Variants in ZCRB1 observed in about 807,000 individuals in gnomAD.
ZCRB1 encodes zinc finger CCHC-type and RNA-binding motif-containing protein 1.
In ZCRB1, 21 loss-of-function variants were observed where a neutral mutation model predicts 29.9. That is an observed-to-expected ratio of 0.70 (90% CI 0.50 to 1.01). ZCRB1 has a LOEUF of 1.01. Among genes scored for constraint, ZCRB1 ranks in the 50% least tolerant of loss-of-function variants. The pLI, the probability that ZCRB1 is intolerant of heterozygous loss-of-function variation, is 0.00. For synonymous variants in ZCRB1, 77 were observed against 80.0 expected (o/e 0.96, Z 0.20); for missense variants, 204 against 253.3 (o/e 0.81, Z 1.32).
intron 5 of ZCRB1, among the ~76,000 whole-genome samples, chr12:42,317,016 G>C (rs1178300337): frequency 1.3e-5 from 2 of 152,058 alleles, no homozygotes; most frequent in African/African-American, 4.8e-5. Context: ...AGATTGGCCT[G>C]GGCAACATAG....
At chr12:42,314,905 T>C (rs958321395) in intron 5 of ZCRB1, among the ~76,000 whole-genome samples, 2 of 152,190 alleles carry the variant, frequency 1.3e-5, no homozygotes, top group Admixed American at 6.5e-5. Context: ...TGAGCTGAGA[T>C]TGTGCCACCG....
rs767738685 is a variant in ZCRB1, at chr12:42,316,616, T to G, written c.333+724A>C. ...AGTTACAAAACACTAGCAATACTAA[T>G]AGGAAAAAATAAAAAACTTCAAAAC... On this transcript the variant is annotated intron_variant, in intron 5 of 7. Coordinates refer to ENST00000266529, the MANE Select transcript of ZCRB1 (RefSeq NM_033114.4). 2.6e-5 allele frequency among the ~76,000 whole-genome samples: 4 copies of G among 152,002 alleles called. No homozygotes were observed. In the South Asian group the frequency reaches 8.3e-4, roughly 31 times the overall value.
chr12:42,324,276 G>A (rs1276032985), intron 1 of ZCRB1, among the ~76,000 whole-genome samples, 172 bp from the exon 2 acceptor site: 1 of 152,050 alleles, frequency 6.6e-6, no homozygotes, highest in Non-Finnish European at 1.5e-5. Flanking sequence ...AGCCTCCCGA[G>A]TAGCTGGGAT....
chr12:42,319,371 C>G (rs1455587990), intron 3 of ZCRB1, among the ~76,000 whole-genome samples: 1 of 152,126 alleles, frequency 6.6e-6, no homozygotes. Flanking sequence ...GTTCAAAAAT[C>G]TTTGGTTCTG....
At position 42,312,929 on chromosome 12, in the gene ZCRB1, T is replaced by C; in HGVS notation, c.*138A>G. The C allele has an allele frequency of 2.1e-6, 2 of 966,090 alleles. No individual in the cohort carries two copies. Among genetic ancestry groups the C allele is most frequent in the Non-Finnish European group, 2.7e-6 (2 of 737,392 alleles). The allele number at this position is 966,090 out of a possible 1,614,324, so 59.8% of individuals were successfully genotyped here. On this transcript the variant is annotated 3_prime_UTR_variant, in exon 8 of 8. Transcript: ENST00000266529. ...TTATAATGAACTTTTCAAATAAATT[T>C]TTAAAATATCTTTTTTCTTGGGATG...
intron 3 of ZCRB1, among the ~76,000 whole-genome samples, chr12:42,320,727 G>GGTGT (rs1463235438): frequency 3.3e-5 from 5 of 152,166 alleles, no homozygotes; most frequent in Non-Finnish European, 7.3e-5. Context: ...TGGGATTACA[G>GGTGT]GTGTGTGCCA....
chr12:42,313,675 A>C lies in ZCRB1; in HGVS notation c.522+15T>G. 2 of 1,611,144 alleles carry C rather than the reference A, an allele frequency of 1.2e-6. No homozygotes were observed. The highest frequency in any genetic ancestry group is 1.7e-6 in the Non-Finnish European group (2 of 1,179,292). On this transcript the variant is annotated intron_variant, in intron 7 of 7. Transcript: ENST00000266529. ...CAACTATTGTATGATGCCTTTTAAA[A>C]GAACAATTTAATACCTGGAATGCTA...
intron 3 of ZCRB1, among the ~76,000 whole-genome samples, chr12:42,318,216 C>A (rs979113207): frequency 1.3e-5 from 2 of 151,874 alleles, no homozygotes; most frequent in African/African-American, 2.4e-5. Flanking sequence ...CCTTGCAAAA[C>A]AAAACAAAAT....
intron 2 of ZCRB1, 171 bp downstream of exon 2, chr12:42,323,848 T>C (rs1378825178): frequency 1.7e-6 from 1 of 602,466 alleles, no homozygotes; most frequent in Non-Finnish European, 2.9e-6. Flanking sequence ...GCGGGGAGGC[T>C]GCAGTGAGCC....
chr12:42,325,811 G>A (rs1298390802), intron 1 of ZCRB1, 113 bp downstream of exon 1: 1 of 152,320 alleles, frequency 6.6e-6, no homozygotes, highest in Non-Finnish European at 1.5e-5. Context: ...GCAGGCAGAG[G>A]TTAAGGTCCT....
chr12:42,315,910 C>T (rs1489418689), intron 5 of ZCRB1, among the ~76,000 whole-genome samples: 2 of 152,012 alleles, frequency 1.3e-5, no homozygotes, highest in Admixed American at 1.3e-4. Context: ...TTCATCCATC[C>T]ATCAGTCTGT....
chr12:42,320,508 G>T (rs2068616223), intron 3 of ZCRB1, among the ~76,000 whole-genome samples: 1 of 151,966 alleles, frequency 6.6e-6, no homozygotes, highest in Admixed American at 6.6e-5. Flanking sequence ...GTGTGATCTT[G>T]GTTCACTGCA....
chr12:42,318,705 C>T (rs1174121939), intron 3 of ZCRB1, among the ~76,000 whole-genome samples: 1 of 152,044 alleles, frequency 6.6e-6, no homozygotes, highest in Admixed American at 6.6e-5. Flanking sequence ...ACAAGAGGAG[C>T]TTGGAACATC....
At position 42,323,711 on chromosome 12, in the gene ZCRB1, C is replaced by T. The variant is rs192441435; in HGVS notation, c.84+308G>A. Reference sequence around the variant, plus strand: ...CAGTGGTGTGACCTTGGCTCACTGTCGCCTCGACCTCCTAGGCTCAAGCAA... The same window carrying T: ...CAGTGGTGTGACCTTGGCTCACTGTTGCCTCGACCTCCTAGGCTCAAGCAA... On this transcript the variant is annotated intron_variant, in intron 2 of 7. Transcript: ENST00000266529. 376 of 272,744 alleles carry T rather than the reference C, an allele frequency of 1.4e-3. 2 individuals are homozygous for T. The highest frequency in any genetic ancestry group is 2.0e-3 in the Non-Finnish European group (285 of 145,516). The allele number at this position is 272,744 out of a possible 1,614,324, so 16.9% of individuals were successfully genotyped here. A position where few individuals can be genotyped will look rare whatever the true frequency, so the allele number is the denominator to read the frequency against.
intron 2 of ZCRB1, 149 bp downstream of exon 2, chr12:42,323,870 A>C: frequency 1.5e-6 from 1 of 666,408 alleles, no homozygotes; most frequent in East Asian, 2.7e-5. Context: ...TGATAGTGCC[A>C]CTGCACTACA....
intron 1 of ZCRB1, 92 bp from the exon 2 acceptor site, chr12:42,324,196 T>G: frequency 4.3e-6 from 5 of 1,157,652 alleles, no homozygotes; most frequent in Non-Finnish European, 6.4e-6. Flanking sequence ...TTGCCCAGGC[T>G]GGGGTGCAAT....
chr12:42,313,712 A>G lies in ZCRB1; in HGVS notation c.500T>C (p.Leu167Pro). ...DEGEDPALDS[L>P]SQAIAFQQAK... ...TACCTGGAATGCTATGGCCTGACTG[A>G]GGCTGTCAAGAGCAGGATCCTCCCC... Residue 167 changes from leucine (L) to proline (P), a missense_variant, in exon 7 of 8, where the codon CTC becomes CCC. By Grantham distance (98) the Leu-to-Pro change is moderately conservative (BLOSUM62 -3). Coordinates refer to ENST00000266529, the MANE Select transcript of ZCRB1 (RefSeq NM_033114.4). 6.2e-7 allele frequency: 1 copy of G among 1,613,926 alleles called. No homozygotes were observed. Among genetic ancestry groups the G allele is most frequent in the Non-Finnish European group, 8.5e-7 (1 of 1,179,918 alleles).
intron 2 of ZCRB1, among the ~76,000 whole-genome samples, chr12:42,323,477 G>GC (rs2068631754): frequency 6.6e-6 from 1 of 151,938 alleles, no homozygotes; most frequent in South Asian, 2.1e-4. Context: ...ATTTCTGACC[G>GC]CCCTATGTAA....
rs888025417 is a variant in ZCRB1 at position 42,313,203 on chromosome 12, G to A, written c.523-5C>T. On this transcript the variant is annotated splice_polypyrimidine_tract_variant and splice_region_variant and intron_variant, in intron 7 of 7. Transcript: ENST00000266529. The stretch of plus-strand genomic sequence containing the variant: ...TTCTTCTTCAATTTTGGCTTGCTGT[G>A]ATTCAAAAAACAAAACAAAACCAAT... The A allele has an allele frequency of 3.1e-6, 5 of 1,599,242 alleles. No homozygotes were observed. The Admixed American group carries it at 8.8e-5, about 28-fold the overall frequency.
Sources: allele counts gnomAD v4.1 joint callset (sites outside exome capture counted in the v4.1 genomes callset), GRCh38; gene constraint gnomAD v4.1.1; transcripts MANE v1.5; gene names NCBI Gene and HGNC (gene_info 2026-07-23, HGNC 2026-07-21).